The following DCP1B variants were observed in gnomAD, a reference collection of about 807,000 sequenced individuals.
DCP1B encodes decapping mRNA 1B, also known as mRNA-decapping enzyme 1B.
Under a neutral mutation model 60.5 loss-of-function variants are expected in DCP1B, and 47 were observed. That is an observed-to-expected ratio of 0.78 (90% confidence interval 0.61 to 0.99). DCP1B has a LOEUF of 0.99. DCP1B is among the 50% of genes least tolerant of loss of function. The pLI, the probability that DCP1B is intolerant of heterozygous loss-of-function variation, is 0.00. For missense variants in DCP1B, 725 were observed against 756.8 expected (o/e 0.96, Z 0.49); for synonymous variants, 267 against 280.3 (o/e 0.95, Z 0.47).
intron 3 of DCP1B, 87 bp downstream of exon 3, chr12:1,993,177 G>A (rs773038970): frequency 3.2e-6 from 5 of 1,578,352 alleles, no homozygotes; most frequent in African/African-American, 1.3e-5. Flanking sequence ...GATACCAAAT[G>A]CAAACACAAT....
At chr12:1,963,756 T>G (rs1020811444) in intron 5 of DCP1B, among the ~76,000 whole-genome samples, 2 of 152,176 alleles carry the variant, frequency 1.3e-5, no homozygotes, top group African/African-American at 4.8e-5. Flanking sequence ...TGGAAGGAAG[T>G]AATATTTCGA....
At chr12:1,978,671 C>A (rs906346087) in intron 3 of DCP1B, among the ~76,000 whole-genome samples, 3 of 152,084 alleles carry the variant, frequency 2.0e-5, no homozygotes, top group African/African-American at 7.2e-5. Flanking sequence ...AGTCAACAAC[C>A]ACACCCCACT....
intron 1 of DCP1B, among the ~76,000 whole-genome samples, chr12:1,999,727 T>C (rs888183197): frequency 4.6e-5 from 7 of 152,088 alleles, no homozygotes; most frequent in African/African-American, 1.7e-4. Context: ...CCCTGTTTCT[T>C]ATAAATAAAT....
At position 1,952,841 on chromosome 12, in the gene DCP1B, T is replaced by G; in HGVS notation, c.1099A>C (p.Asn367His). The G allele has an allele frequency of 1.2e-6, 2 of 1,614,168 alleles. No individual in the cohort carries two copies. Among genetic ancestry groups the G allele is most frequent in the Non-Finnish European group, 1.7e-6 (2 of 1,180,024 alleles). The change falls in exon 7 of 9, where the codon AAC becomes CAC. Residue 367 changes from asparagine to histidine, a missense_variant. Physicochemically the swap from Asn to His is moderately conservative, Grantham distance 68. Transcript: ENST00000280665. ...GCTGGTGTACTAGGGTCACACTTGT[T>G]TGCTGCCCCTGGGGTACTCTGAAGT... Reference protein sequence around the residue: ...EKLQSTPGAANKCDPSTPAPA... With the variant: ...EKLQSTPGAAHKCDPSTPAPA...
chr12:1,976,220 C>T (rs16928982), intron 3 of DCP1B, among the ~76,000 whole-genome samples: 2,466 of 152,212 alleles, frequency 0.016, 67 homozygotes, highest in African/African-American at 0.056. Flanking sequence ...TCACAGTAGA[C>T]GTATAACCCT....
chr12:1,975,853 G>T (rs1471379117), intron 3 of DCP1B, among the ~76,000 whole-genome samples: 1 of 152,096 alleles, frequency 6.6e-6, no homozygotes, highest in Non-Finnish European at 1.5e-5. Flanking sequence ...TCACATGAAG[G>T]TTCTCTCCGT....
downstream of DCP1B, among the ~76,000 whole-genome samples, chr12:1,944,602 A>T (rs1005891460): frequency 6.6e-6 from 1 of 152,218 alleles, no homozygotes; most frequent in Admixed American, 6.5e-5. Context: ...ACCAAGGAAC[A>T]GAACAGAGGC....
chr12:1,971,956 T>C lies in DCP1B; in HGVS notation c.320-4046A>G, dbSNP rs943510227. 2.0e-5 allele frequency among the ~76,000 whole-genome samples: 3 copies of C among 152,252 alleles called. No individual in the cohort carries two copies. The highest frequency in any genetic ancestry group is 4.4e-5 in the Non-Finnish European group (3 of 68,046). ...GTGTAAATTTTTAAAAGAAGATATA[T>C]ATCCATTCAATTAGGAAGTGGATGA... On this transcript the variant is annotated intron_variant, in intron 3 of 8. Transcript: ENST00000280665. The surrounding 1 kb of genome is among the most constrained non-coding windows in gnomAD (Gnocchi z 4.2).
intron 3 of DCP1B, among the ~76,000 whole-genome samples, chr12:1,978,117 T>C (rs1308114507): frequency 6.6e-6 from 1 of 152,188 alleles, no homozygotes; most frequent in Admixed American, 6.5e-5. Flanking sequence ...TCCATATTTT[T>C]GGCAAAGAGA....
chr12:2,004,149 T>C, intron 1 of DCP1B, 133 bp downstream of exon 1: 2 of 1,237,858 alleles, frequency 1.6e-6, no homozygotes, highest in East Asian at 2.8e-5. Context: ...AACTTCGGCC[T>C]CAGTCCCCAG....
Position 1,953,224 on chromosome 12 carries a change from GTAGCTTTGTCC to G in DCP1B, c.705_715del (p.Gln235HisfsTer29), listed in dbSNP as rs1157478524. 1 of 1,606,682 alleles carries G rather than the reference GTAGCTTTGTCC, an allele frequency of 6.2e-7. No homozygotes were observed. The highest frequency in any genetic ancestry group is 1.3e-5 in the African/African-American group (1 of 74,914). Reference sequence around the variant, plus strand: ...CGGAGGCTCCACAGTTTCCTGACATGTAGCTTTGTCCTGCTTCCCAAACAGAGCTGTCAAGG... The same window carrying G: ...CGGAGGCTCCACAGTTTCCTGACATGTGCTTCCCAAACAGAGCTGTCAAGG... On this transcript the variant is annotated frameshift_variant, in exon 7 of 9. Transcript: ENST00000280665. LOFTEE classifies it high-confidence loss of function.
chr12:1,989,732 A>C (rs1308558295), intron 3 of DCP1B, among the ~76,000 whole-genome samples: 1 of 152,246 alleles, frequency 6.6e-6, no homozygotes, highest in Non-Finnish European at 1.5e-5. Context: ...AAGCAAGAAA[A>C]GAAAGGAATC....
chr12:1,948,132 A>G lies in DCP1B; in HGVS notation c.1773+954T>C, dbSNP rs1316549591. 6.6e-6 allele frequency among the ~76,000 whole-genome samples: 1 copy of G among 152,236 alleles called. No individual in the cohort carries two copies. The highest frequency in any genetic ancestry group is 1.5e-5 in the Non-Finnish European group (1 of 68,038). On this transcript the variant is annotated intron_variant, in intron 8 of 8. Coordinates refer to ENST00000280665, the MANE Select transcript of DCP1B (RefSeq NM_152640.5). This position sits in a 1 kb window ranked among gnomAD's most constrained non-coding sequence, Gnocchi z 4.8. ...TTATCTACCAAAAAGACACCTAAAT[A>G]TGTTAACTGGGGTGTCTGAAGTCTG...
chr12:1,960,581 T>C (rs115592716), intron 5 of DCP1B, among the ~76,000 whole-genome samples: 1,962 of 152,352 alleles, frequency 0.013, 47 homozygotes, highest in African/African-American at 0.043. Flanking sequence ...AATACATGTG[T>C]TAATTAGCTT....
chr12:1,946,256 C>G lies in DCP1B; in HGVS notation c.1804G>C (p.Glu602Gln), dbSNP rs1592772634. The change falls in exon 9 of 9, where the codon GAA becomes CAA. Residue 602 changes from glutamate to glutamine, a missense_variant. Glu to Gln is a conservative substitution (Grantham distance 29, BLOSUM62 2). Coordinates refer to ENST00000280665, the MANE Select transcript of DCP1B (RefSeq NM_152640.5). ...NDDNFLNIIY[E>Q]AYLFSMTQAA... ...TGAGTCATGCTGAAGAGATAGGCTT[C>G]ATAGATTATATTTAAGAAGTTGTCA... The G allele has an allele frequency of 6.2e-7, 1 of 1,607,846 alleles. No homozygotes were observed. The highest frequency in any genetic ancestry group is 8.5e-7 in the Non-Finnish European group (1 of 1,177,734).
At position 1,952,470 on chromosome 12, in the gene DCP1B, CA is replaced by C; in HGVS notation, c.1469del (p.Leu490TrpfsTer82). 1 of 1,612,374 alleles carries C rather than the reference CA, an allele frequency of 6.2e-7. No individual in the cohort carries two copies. Among genetic ancestry groups the C allele is most frequent in the Non-Finnish European group, 8.5e-7 (1 of 1,178,858 alleles). On this transcript the variant is annotated frameshift_variant, in exon 7 of 9. Coordinates refer to ENST00000280665, the MANE Select transcript of DCP1B (RefSeq NM_152640.5). LOFTEE classifies it high-confidence loss of function. The part of the protein sequence containing the change: ...LAQSSGTGKP[L>X]ESWINKTPNT... ...TGGGTGTCTTGTTGATCCAGGATTC[CA>C]AGGGTTTCCCTGTTCCAGAGCTCTG... is the stretch of plus-strand genomic sequence containing the variant.
intron 3 of DCP1B, 65 bp downstream of exon 3, chr12:1,993,199 T>A (rs759603743): frequency 5.0e-6 from 8 of 1,609,162 alleles, no homozygotes; most frequent in East Asian, 2.2e-5. Context: ...GCAAACACTG[T>A]ACAATTTTAA....
At position 1,946,300 on chromosome 12, in the gene DCP1B, C is replaced by A. The variant is rs778662624; in HGVS notation, c.1774-14G>T. 1.5e-5 allele frequency: 24 copies of A among 1,590,848 alleles called. No homozygotes were observed. The highest frequency in any genetic ancestry group is 1.4e-4 in the East Asian group (6 of 44,266). ...GTTGTCATCATTCTGGAAAACAAAT[C>A]GAAAGACCCAAGAGAATGTTACTTG... On this transcript the variant is annotated splice_polypyrimidine_tract_variant and intron_variant, in intron 8 of 8. Transcript: ENST00000280665.
At position 1,948,330 on chromosome 12, in the gene DCP1B, C is replaced by T. The variant is rs2240608; in HGVS notation, c.1773+756G>A. 0.48 allele frequency among the ~76,000 whole-genome samples: 73,170 copies of T among 152,016 alleles called. 17,826 individuals carry two copies. The highest frequency in any genetic ancestry group is 0.73 in the East Asian group (3,765 of 5,158). ...TGGCACTCGGGGGCCAGGCTGGGTG[C>T]ATCCCAGCCCTGCTTATGTACGAGC... On this transcript the variant is annotated intron_variant, in intron 8 of 8. Coordinates refer to ENST00000280665, the MANE Select transcript of DCP1B (RefSeq NM_152640.5). This position sits in a 1 kb window ranked among gnomAD's most constrained non-coding sequence, Gnocchi z 4.8.
Sources: allele counts gnomAD v4.1 joint callset (sites outside exome capture counted in the v4.1 genomes callset), GRCh38; gene constraint gnomAD v4.1.1; non-coding constraint Gnocchi (gnomAD v3.1); transcripts MANE v1.5; gene names NCBI Gene and HGNC (gene_info 2026-07-23, HGNC 2026-07-21).